Variants in SPAG16 observed in about 807,000 individuals in gnomAD.
The protein encoded by SPAG16 is sperm associated antigen 16.
A neutral mutation model predicts 80.4 loss-of-function variants in SPAG16; 86 were observed. The ratio of observed to expected loss-of-function variants is 1.07; its 90% CI spans 0.90 to 1.28. SPAG16 has a LOEUF of 1.28. SPAG16 is among the 50% of genes most tolerant of loss of function. The pLI is 0.00. For missense variants in SPAG16, 870 were observed against 765.3 expected, an observed-to-expected ratio of 1.14 and a Z score of -1.61; for synonymous variants, 294 against 265.9, an observed-to-expected ratio of 1.11 and a Z score of -1.03.
At chr2:214,052,568 C>G (rs1294808361) in intron 13 of SPAG16, among the ~76,000 whole-genome samples, 1 of 152,110 alleles carries the variant, frequency 6.6e-6, no homozygotes, top group Non-Finnish European at 1.5e-5. Context: ...GTCTATATAT[C>G]CCAGATATAG....
chr2:213,688,231 C>A (rs910216098), intron 10 of SPAG16, among the ~76,000 whole-genome samples: 2 of 152,114 alleles, frequency 1.3e-5, no homozygotes, highest in Non-Finnish European at 2.9e-5. Flanking sequence ...TTGTGGAGAC[C>A]AAGGTATTTT....
rs922040746 is a variant in SPAG16 at position 213,848,796 on chromosome 2, T to G, written c.1071-13689T>G. ...CCCCTTGCCAGCATCTCAAATTACA[T>G]ATAGTGAGTGCCAAACCCAGACATT... On this transcript the variant is annotated intron_variant, in intron 10 of 15. Coordinates refer to ENST00000331683, the MANE Select transcript of SPAG16 (RefSeq NM_024532.5). Among the ~76,000 whole-genome samples the G allele has an allele frequency of 4.6e-5, 7 of 152,286 alleles. No homozygotes were observed. In the South Asian group the frequency reaches 1.4e-3, roughly 32 times the overall value.
intron 15 of SPAG16, among the ~76,000 whole-genome samples, chr2:214,158,616 G>A (rs1457472227): frequency 2.6e-5 from 4 of 151,996 alleles, no homozygotes; most frequent in Non-Finnish European, 5.9e-5. Context: ...ACAAATTGCA[G>A]CATTATGCAG....
chr2:213,534,304 C>G (rs73988536), intron 10 of SPAG16, among the ~76,000 whole-genome samples: 1,798 of 152,010 alleles, frequency 0.012, 37 homozygotes, highest in African/African-American at 0.04. Context: ...CACTTTAGTA[C>G]AGCCTCTATG....
At chr2:213,608,216 C>A (rs1412432699) in intron 10 of SPAG16, among the ~76,000 whole-genome samples, 1 of 152,060 alleles carries the variant, frequency 6.6e-6, no homozygotes, top group Non-Finnish European at 1.5e-5. Flanking sequence ...GGTACATGTG[C>A]ACAACGTGCA....
chr2:213,326,735 G>C (rs1040657397), intron 5 of SPAG16, among the ~76,000 whole-genome samples: 11 of 151,864 alleles, frequency 7.2e-5, no homozygotes, highest in Non-Finnish European at 1.6e-4. Flanking sequence ...TTCGATGCAG[G>C]TAAACAAGAA....
chr2:213,601,747 AC>A (rs2061070019), intron 10 of SPAG16, among the ~76,000 whole-genome samples: 1 of 152,246 alleles, frequency 6.6e-6, no homozygotes, highest in East Asian at 1.9e-4. Flanking sequence ...ATAAATACTT[AC>A]CATTGTGTTA....
intron 12 of SPAG16, among the ~76,000 whole-genome samples, chr2:213,941,602 T>A (rs1360031240): frequency 1.3e-5 from 2 of 152,126 alleles, no homozygotes; most frequent in African/African-American, 4.8e-5. Context: ...GTAGTAAACA[T>A]TTGTTGAATT....
chr2:213,457,840 T>G (rs1269119261), intron 9 of SPAG16, among the ~76,000 whole-genome samples: 1 of 152,126 alleles, frequency 6.6e-6, no homozygotes, highest in Non-Finnish European at 1.5e-5. Context: ...TGGGATAAAT[T>G]TTACTACATA....
chr2:213,811,394 TTCTC>T (rs1300337966), intron 10 of SPAG16, among the ~76,000 whole-genome samples: 7 of 152,176 alleles, frequency 4.6e-5, no homozygotes, highest in African/African-American at 7.2e-5. Context: ...CCAGTTTATA[TTCTC>T]TCTAATAAAA....
chr2:213,379,829 T>C (rs1335690166), intron 9 of SPAG16, among the ~76,000 whole-genome samples: 2 of 152,126 alleles, frequency 1.3e-5, no homozygotes, highest in Non-Finnish European at 2.9e-5. Context: ...CCTGGGCCCA[T>C]GCGTAACCTC....
intron 11 of SPAG16, among the ~76,000 whole-genome samples, chr2:213,914,174 T>A (rs1424890519): frequency 6.6e-6 from 1 of 152,182 alleles, no homozygotes; most frequent in Admixed American, 6.5e-5. Context: ...TATCTATTGA[T>A]GCTTATTGTA....
chr2:214,393,402 T>A (rs1303343714), intron 15 of SPAG16, among the ~76,000 whole-genome samples: 1 of 152,144 alleles, frequency 6.6e-6, no homozygotes, highest in Non-Finnish European at 1.5e-5. Flanking sequence ...AATATGTTAT[T>A]TTTTAATGTT....
At chr2:213,913,479 T>C (rs572367350) in intron 11 of SPAG16, among the ~76,000 whole-genome samples, 30 of 147,620 alleles carry the variant, frequency 2.0e-4, no homozygotes, top group Non-Finnish European at 4.1e-4. Flanking sequence ...AACGAATATG[T>C]GTGTGTGTGT....
chr2:213,780,497 G>T (rs1373979608), intron 10 of SPAG16, among the ~76,000 whole-genome samples: 1 of 150,576 alleles, frequency 6.6e-6, no homozygotes, highest in Non-Finnish European at 1.5e-5. Context: ...TGTGGAATCT[G>T]GTGTTAGTTT....
At chr2:214,321,793 A>G (rs1559211088) in intron 15 of SPAG16, among the ~76,000 whole-genome samples, 1 of 152,220 alleles carries the variant, frequency 6.6e-6, no homozygotes, top group South Asian at 2.1e-4. Flanking sequence ...TGTAAATAAT[A>G]AAATATTGAT....
chr2:213,667,933 C>CTATTTATTTATTTATT lies in SPAG16; in HGVS notation c.1070+177857_1070+177872dup, dbSNP rs368610907. On this transcript the variant is annotated intron_variant, in intron 10 of 15. Transcript: ENST00000331683. Reference sequence around the variant, plus strand: ...CGAGTGTATTTGAATAAAAATTCTACTATTTATTTATTTATTTATTTATTT... The same window carrying CTATTTATTTATTTATT: ...CGAGTGTATTTGAATAAAAATTCTACTATTTATTTATTTATTTATTTATTTATTTATTTATTTATTT... Among the ~76,000 whole-genome samples the CTATTTATTTATTTATT allele has an allele frequency of 6.8e-3, 1,028 of 150,594 alleles. 20 individuals carry two copies. The highest frequency in any genetic ancestry group is 0.023 in the African/African-American group (920 of 40,594).
At chr2:214,337,590 G>T (rs1697386818) in intron 15 of SPAG16, among the ~76,000 whole-genome samples, 1 of 152,164 alleles carries the variant, frequency 6.6e-6, no homozygotes, top group Admixed American at 6.5e-5. Flanking sequence ...ATATTCTAGG[G>T]AGAGAACAAT....
At chr2:213,709,374 G>C (rs2065888515) in intron 10 of SPAG16, among the ~76,000 whole-genome samples, 1 of 152,108 alleles carries the variant, frequency 6.6e-6, no homozygotes, top group African/African-American at 2.4e-5. Context: ...TCGAGATTTG[G>C]GGGTATTTGG....
Sources: gnomAD v4.1 joint callset for allele counts (sites outside exome capture counted in the v4.1 genomes callset) on GRCh38, gnomAD v4.1.1 for gene constraint, MANE v1.5 for transcripts, NCBI Gene and HGNC (gene_info 2026-07-23, HGNC 2026-07-21) for gene names.